The following FAT3 variants were observed in gnomAD, a reference collection of about 807,000 sequenced individuals.
FAT3 encodes FAT atypical cadherin 3.
FAT3 carries 95 observed loss-of-function variants against 310.2 expected under a neutral mutation model. The ratio of observed to expected loss-of-function variants is 0.31; its 90% CI spans 0.26 to 0.36. The LOEUF is 0.36. Ranked by LOEUF, FAT3 falls within the 10% of genes least tolerant of loss-of-function variation. The pLI is 1.00. For missense variants in FAT3, 5,408 were observed against 5,715.6 expected, an observed-to-expected ratio of 0.95 and a Z score of 1.74; for synonymous variants, 2,314 against 2,192.9, an observed-to-expected ratio of 1.06 and a Z score of -1.54.
intron 3 of FAT3, among the ~76,000 whole-genome samples, chr11:92,570,932 T>A (rs1955646068): frequency 6.6e-6 from 1 of 152,182 alleles, no homozygotes; most frequent in Non-Finnish European, 1.5e-5. Flanking sequence ...TGTAAGAACA[T>A]GTCTCCCCAT....
At chr11:92,437,578 A>G (rs1025551001) in intron 2 of FAT3, among the ~76,000 whole-genome samples, 6 of 152,206 alleles carry the variant, frequency 3.9e-5, no homozygotes, top group Non-Finnish European at 7.3e-5. Flanking sequence ...GATGGATTGT[A>G]GAGAAGGACA....
rs924776055 is a variant in FAT3, at chr11:92,529,529, G to GT, written c.3607+4589dup. ...TAATAGTTAAATTTTAAAGGGCCTT[G>GT]TTTTTTTTGTTTTGTTTTTTTTGTT... On this transcript the variant is annotated intron_variant, in intron 3 of 27. Transcript: ENST00000525166. Among the ~76,000 whole-genome samples, 6 of 151,666 alleles carry GT rather than the reference G, an allele frequency of 4.0e-5. No individual in the cohort carries two copies. In the East Asian group the frequency reaches 5.8e-4, roughly 15 times the overall value.
At chr11:92,387,063 AGTGTGTGTGTGTGTGTGTGT>A (rs67529435) in intron 2 of FAT3, among the ~76,000 whole-genome samples, 19,419 of 144,008 alleles carry the variant, frequency 0.13, 1,390 homozygotes, top group Middle Eastern at 0.17. Context: ...TATGGGAGCT[AGTGTGTGTGTGTGTGTGTGT>A]GTGTGTGTGT....
At chr11:92,268,904 G>T (rs1946040167) in intron 1 of FAT3, among the ~76,000 whole-genome samples, 1 of 151,536 alleles carries the variant, frequency 6.6e-6, no homozygotes, top group Non-Finnish European at 1.5e-5. Context: ...TTGCAGTAAA[G>T]GGAGACTATG....
chr11:92,655,089 G>T (rs985039123), intron 3 of FAT3, among the ~76,000 whole-genome samples: 5 of 152,106 alleles, frequency 3.3e-5, no homozygotes, highest in Admixed American at 3.3e-4. Context: ...TCCTCAGTCA[G>T]GCCTTCCATA....
intron 3 of FAT3, among the ~76,000 whole-genome samples, chr11:92,588,679 A>G (rs1359682441): frequency 2.7e-5 from 4 of 147,648 alleles, no homozygotes; most frequent in Non-Finnish European, 4.4e-5. Flanking sequence ...AACAAAATCA[A>G]CCATTCTTCT....
chr11:92,890,029 G>A, intron 27 of FAT3, 138 bp downstream of exon 27: 2 of 706,628 alleles, frequency 2.8e-6, no homozygotes, highest in Non-Finnish European at 2.6e-6. Flanking sequence ...AGTATTGGAG[G>A]TGAAAGCTCC....
At chr11:92,526,481 A>T (rs745533862) in intron 3 of FAT3, among the ~76,000 whole-genome samples, 8 of 152,180 alleles carry the variant, frequency 5.3e-5, no homozygotes, top group Non-Finnish European at 1.2e-4. Context: ...TTGAGTCATT[A>T]ATGGTAGGCC....
At chr11:92,853,440 T>A (rs1168479564) in intron 19 of FAT3, among the ~76,000 whole-genome samples, 8 of 152,200 alleles carry the variant, frequency 5.3e-5, no homozygotes, top group African/African-American at 1.9e-4. Flanking sequence ...AGGTCTGGGC[T>A]TTTCTCTCCT....
chr11:92,579,953 ATAGT>A (rs758403466), intron 3 of FAT3, among the ~76,000 whole-genome samples: 1 of 152,146 alleles, frequency 6.6e-6, no homozygotes, highest in Non-Finnish European at 1.5e-5. Context: ...AAACACACCA[ATAGT>A]TAGGGTAACC....
chr11:92,336,900 C>A (rs1424913524), intron 1 of FAT3, among the ~76,000 whole-genome samples: 1 of 152,106 alleles, frequency 6.6e-6, no homozygotes, highest in African/African-American at 2.4e-5. Context: ...CATTAAAACC[C>A]TTTTAAAATA....
chr11:92,355,051 A>C lies in FAT3; in HGVS notation c.2939A>C (p.Asn980Thr). The C allele has an allele frequency of 6.2e-7, 1 of 1,613,758 alleles. No homozygotes were observed. Among genetic ancestry groups the C allele is most frequent in the Non-Finnish European group, 8.5e-7 (1 of 1,179,838 alleles). ...QVRYSLVNDYNGRFEIDKASG... is the reference protein window; with the variant it reads ...QVRYSLVNDYTGRFEIDKASG... ...CGCTATTCTTTGGTCAATGACTATA[A>C]TGGGAGATTTGAAATAGATAAAGCA... is the stretch of plus-strand genomic sequence containing the variant. Residue 980 changes from asparagine (N) to threonine (T), a missense_variant, in exon 2 of 28, where the codon AAT (asparagine) becomes ACT (threonine). By Grantham distance (65) the Asn-to-Thr change is moderately conservative (BLOSUM62 0). Transcript: ENST00000525166.
chr11:92,327,647 C>T (rs1947799376), intron 1 of FAT3, among the ~76,000 whole-genome samples: 1 of 152,164 alleles, frequency 6.6e-6, no homozygotes, highest in African/African-American at 2.4e-5. Context: ...ACATCATTGA[C>T]TCCACACATG....
chr11:92,539,117 T>G (rs1954358362), intron 3 of FAT3, among the ~76,000 whole-genome samples: 1 of 152,184 alleles, frequency 6.6e-6, no homozygotes, highest in South Asian at 2.1e-4. Flanking sequence ...ACATACTAAA[T>G]TGTTCATTTT....
rs1947486766 is a variant in FAT3 at position 92,317,138 on chromosome 11, A to G, written c.-17-34958A>G. Among the ~76,000 whole-genome samples the G allele has an allele frequency of 2.0e-5, 3 of 152,160 alleles. No homozygotes were observed. The South Asian group carries it at 6.2e-4, about 31-fold the overall frequency. ...TGTCAGAATTAAAAATAAAGGAAAGACTGAATGAATGAATGAATGAAGAAA... is the reference window on the plus strand; with the variant it reads ...TGTCAGAATTAAAAATAAAGGAAAGGCTGAATGAATGAATGAATGAAGAAA... On this transcript the variant is annotated intron_variant, in intron 1 of 27. Transcript: ENST00000525166.
intron 3 of FAT3, among the ~76,000 whole-genome samples, chr11:92,553,800 TTTTC>T (rs1954911147): frequency 6.6e-6 from 1 of 151,760 alleles, no homozygotes; most frequent in African/African-American, 2.4e-5. Flanking sequence ...CTTCTTTCTT[TTTTC>T]TTTCTTTCTC....
At chr11:92,792,653 TG>T (rs1247029167) in intron 8 of FAT3, 113 bp from the exon 9 acceptor site, 1 of 940,560 alleles carries the variant, frequency 1.1e-6, no homozygotes, top group Non-Finnish European at 1.6e-6. Flanking sequence ...AGCCTGGAAC[TG>T]GGTCAAGCAC....
At chr11:92,678,512 C>G (rs1943363489) in intron 3 of FAT3, among the ~76,000 whole-genome samples, 1 of 152,172 alleles carries the variant, frequency 6.6e-6, no homozygotes, top group Non-Finnish European at 1.5e-5. Context: ...CATTAGGCCT[C>G]CCAGTGCTGT....
chr11:92,244,156 G>A (rs566029765), intron 1 of FAT3, among the ~76,000 whole-genome samples: 6 of 152,118 alleles, frequency 3.9e-5, no homozygotes, highest in African/African-American at 1.4e-4. Flanking sequence ...ATCAGAACAG[G>A]GAGGTAAATT....
Sources: gnomAD v4.1 joint callset for allele counts (sites outside exome capture counted in the v4.1 genomes callset) on GRCh38, gnomAD v4.1.1 for gene constraint, MANE v1.5 for transcripts, NCBI Gene and HGNC (gene_info 2026-07-23, HGNC 2026-07-21) for gene names.